The following HMBOX1 variants were observed in gnomAD, a reference collection of about 807,000 sequenced individuals.
The protein encoded by HMBOX1 is homeobox containing 1.
In HMBOX1, 14 loss-of-function variants were observed where a neutral mutation model predicts 54.5. The observed-to-expected ratio is 0.26, with a 90% confidence interval of 0.17 to 0.40. The LOEUF (loss-of-function observed/expected upper bound fraction) is 0.40. Among genes scored for constraint, HMBOX1 ranks in the 10% least tolerant of loss-of-function variants. The probability of loss-of-function intolerance (pLI) is 1.00; values close to 1 mark genes in which losing one functional copy is unlikely to be tolerated. For synonymous variants in HMBOX1, 160 were observed against 181.0 expected (o/e 0.88, Z 0.93); for missense variants, 332 against 514.4 (o/e 0.65, Z 3.43).
intron 1 of HMBOX1, among the ~76,000 whole-genome samples, chr8:28,895,472 C>T (rs956572190): frequency 1.3e-5 from 2 of 152,066 alleles, no homozygotes; most frequent in Non-Finnish European, 1.5e-5. Flanking sequence ...GTCAGGAATT[C>T]GAGACCAGTC....
intron 9 of HMBOX1, 105 bp downstream of exon 9, chr8:29,049,153 A>G: frequency 6.8e-7 from 1 of 1,463,630 alleles, no homozygotes; most frequent in Non-Finnish European, 9.4e-7. Context: ...GAGGGGAAAC[A>G]GTCACTGTCC....
At chr8:28,907,096 A>T (rs1001846036) in intron 1 of HMBOX1, among the ~76,000 whole-genome samples, 1 of 152,210 alleles carries the variant, frequency 6.6e-6, no homozygotes, top group African/African-American at 2.4e-5. Context: ...GCATAAATGA[A>T]AGATTATTTT....
At chr8:28,973,813 T>TTTGTTTTTTTTG (rs780679844) in intron 3 of HMBOX1, among the ~76,000 whole-genome samples, 1 of 35,030 alleles carries the variant, frequency 2.9e-5, no homozygotes, top group Admixed American at 3.9e-4. Flanking sequence ...GTTTTTTTTT[T>TTTGTTTTTTTTG]TTTTTTTTTT....
intron 1 of HMBOX1, among the ~76,000 whole-genome samples, chr8:28,954,425 G>A (rs1418224394): frequency 6.6e-6 from 1 of 152,102 alleles, no homozygotes; most frequent in Non-Finnish European, 1.5e-5. Context: ...CTTGCTGCCT[G>A]TGCCACCCTT....
In HMBOX1 at chr8:29,051,489, G is replaced by T. The variant is rs1374398823; in HGVS notation, c.*334G>T. Reference sequence around the variant, plus strand: ...TCAGTTCTCAAATATTAGACTACGTGTAAAATCTTGGGTACCTTTAGATTC... The same window carrying T: ...TCAGTTCTCAAATATTAGACTACGTTTAAAATCTTGGGTACCTTTAGATTC... On this transcript the variant is annotated 3_prime_UTR_variant, in exon 10 of 10. Transcript: ENST00000287701. 91 of 701,138 alleles carry T rather than the reference G, an allele frequency of 1.3e-4. No homozygotes were observed. The highest frequency in any genetic ancestry group is 1.7e-4 in the Non-Finnish European group (67 of 383,614). 43.4% of individuals were successfully genotyped at this position (701,138 alleles called of 1,614,324 possible).
chr8:28,891,675 A>T (rs987238129), intron 1 of HMBOX1: 1 of 152,232 alleles, frequency 6.6e-6, no homozygotes, highest in South Asian at 2.1e-4. Context: ...GTTGGAAATT[A>T]TTTGCGGGAG....
chr8:28,953,242 G>C (rs1309690271), intron 1 of HMBOX1, among the ~76,000 whole-genome samples: 1 of 152,144 alleles, frequency 6.6e-6, no homozygotes, highest in African/African-American at 2.4e-5. Flanking sequence ...TATGGTATGT[G>C]TTTTCCTTGT....
chr8:29,037,165 T>C (rs371292985), intron 6 of HMBOX1, among the ~76,000 whole-genome samples: 1 of 152,210 alleles, frequency 6.6e-6, no homozygotes, highest in East Asian at 1.9e-4. Context: ...AAGGTTGATA[T>C]GGACAGAGCC....
At chr8:28,960,781 T>TTTTTTTTTTTTG (rs1825419788) in intron 1 of HMBOX1, among the ~76,000 whole-genome samples, 1 of 45,354 alleles carries the variant, frequency 2.2e-5, no homozygotes, top group African/African-American at 7.1e-5. Context: ...TTTTTTTTTT[T>TTTTTTTTTTTTG]TTTTTTTTTT....
chr8:28,917,322 T>C (rs1236891296), intron 1 of HMBOX1, among the ~76,000 whole-genome samples: 1 of 152,248 alleles, frequency 6.6e-6, no homozygotes, highest in Non-Finnish European at 1.5e-5. Context: ...ATTTTGGTGC[T>C]ATTATAAATG....
intron 5 of HMBOX1, among the ~76,000 whole-genome samples, chr8:29,017,209 G>C (rs1835166141): frequency 6.6e-6 from 1 of 152,148 alleles, no homozygotes; most frequent in Non-Finnish European, 1.5e-5. Context: ...GCTATCCTGG[G>C]CTTCCTTACA....
chr8:28,960,022 T>C (rs1371872473), intron 1 of HMBOX1, among the ~76,000 whole-genome samples: 1 of 152,068 alleles, frequency 6.6e-6, no homozygotes, highest in African/African-American at 2.4e-5. Context: ...TTCTCTCTTT[T>C]CTCTTTATTA....
At chr8:28,996,238 A>G (rs185399170) in intron 4 of HMBOX1, among the ~76,000 whole-genome samples, 15 of 152,224 alleles carry the variant, frequency 9.9e-5, no homozygotes, top group African/African-American at 3.4e-4. Context: ...TAGTTCATAT[A>G]TAAGTTGAGT....
chr8:28,997,391 G>C (rs1157840533), intron 4 of HMBOX1, among the ~76,000 whole-genome samples: 2 of 152,154 alleles, frequency 1.3e-5, no homozygotes, highest in African/African-American at 2.4e-5. Context: ...TGATGTGACT[G>C]TATTACATTG....
At chr8:29,008,419 T>C (rs1412482254) in intron 4 of HMBOX1, among the ~76,000 whole-genome samples, 1 of 152,210 alleles carries the variant, frequency 6.6e-6, no homozygotes, top group Non-Finnish European at 1.5e-5. Context: ...TGTGGAAAGC[T>C]TGTGTTGGAA....
chr8:29,013,458 A>C (rs192069301), intron 5 of HMBOX1, among the ~76,000 whole-genome samples: 5 of 152,272 alleles, frequency 3.3e-5, no homozygotes, highest in Admixed American at 2.0e-4. Flanking sequence ...CAACCTCTTC[A>C]GTCTGGATCC....
intron 1 of HMBOX1, among the ~76,000 whole-genome samples, chr8:28,898,435 A>T (rs1204782745): frequency 6.6e-6 from 1 of 152,230 alleles, no homozygotes; most frequent in Non-Finnish European, 1.5e-5. Flanking sequence ...GTACTAAAAA[A>T]TAATGCTTGA....
Position 29,051,680 on chromosome 8 carries a change from A to G in HMBOX1, c.*525A>G. 1.4e-6 allele frequency: 1 copy of G among 697,690 alleles called. No individual in the cohort carries two copies. The highest frequency in any genetic ancestry group is 2.6e-6 in the Non-Finnish European group (1 of 380,704). The allele number at this position is 697,690 out of a possible 1,614,324, so 43.2% of individuals were successfully genotyped here. On this transcript the variant is annotated 3_prime_UTR_variant, in exon 10 of 10. Transcript: ENST00000287701. The stretch of plus-strand genomic sequence containing the variant: ...GGATAATTGATTTCCAGCTGCAATA[A>G]GCCGTGCCTCATTATAGCCACACTG...
Position 28,912,808 on chromosome 8 carries a change from C to T in HMBOX1, c.-58+22130C>T, listed in dbSNP as rs374213646. On this transcript the variant is annotated intron_variant, in intron 1 of 9. Transcript: ENST00000287701. ...ACCACTTACAGACTAGCCTAGGCCTCTCTGTTGAGTTCCAGAGAGAACTTT... is the reference window on the plus strand; with the variant it reads ...ACCACTTACAGACTAGCCTAGGCCTTTCTGTTGAGTTCCAGAGAGAACTTT... Among the ~76,000 whole-genome samples the T allele has an allele frequency of 1.8e-3, 275 of 152,236 alleles. 3 individuals are homozygous for T. The highest frequency in any genetic ancestry group is 6.3e-3 in the African/African-American group (263 of 41,538).
Sources: allele counts gnomAD v4.1 joint callset (sites outside exome capture counted in the v4.1 genomes callset), GRCh38; gene constraint gnomAD v4.1.1; transcripts MANE v1.5; gene names NCBI Gene and HGNC (gene_info 2026-07-23, HGNC 2026-07-21).